Variants in ATP2B2 observed in about 807,000 individuals in gnomAD.
ATP2B2 encodes the protein ATPase plasma membrane Ca2+ transporting 2, also known as plasma membrane calcium-transporting ATPase 2.
Under a neutral mutation model 120.0 loss-of-function variants are expected in ATP2B2, and 15 were observed. That is an observed-to-expected ratio of 0.12 (90% CI 0.08 to 0.19). The LOEUF (loss-of-function observed/expected upper bound fraction) is 0.19. Ranked by LOEUF, ATP2B2 falls within the 10% of genes least tolerant of loss-of-function variation. ATP2B2 has a pLI of 1.00. For missense variants in ATP2B2, 1,045 were observed against 1,719.8 expected (o/e 0.61, Z 6.94); for synonymous variants, 694 against 700.3 (o/e 0.99, Z 0.14).
At chr3:10,367,125 G>A (rs540615784) in intron 12 of ATP2B2, among the ~76,000 whole-genome samples, 1 of 152,188 alleles carries the variant, frequency 6.6e-6, no homozygotes, top group Admixed American at 6.5e-5. Flanking sequence ...GCTACCACTG[G>A]CTCCCCCCAT....
chr3:10,665,092 T>C (rs78797214), intron 1 of ATP2B2, among the ~76,000 whole-genome samples: 3,507 of 152,248 alleles, frequency 0.023, 66 homozygotes, highest in South Asian at 0.086. Flanking sequence ...TACCATCTGA[T>C]CTTTGAGGAA....
chr3:10,427,248 A>C (rs1407396881), intron 2 of ATP2B2, among the ~76,000 whole-genome samples: 1 of 152,244 alleles, frequency 6.6e-6, no homozygotes, highest in Non-Finnish European at 1.5e-5. Flanking sequence ...AGCAAGTCTA[A>C]GACCAAACTA....
exon 1 of ATP2B2, chr3:10,707,944 C>T (rs1220951771): frequency 6.6e-6 from 1 of 150,732 alleles, no homozygotes; most frequent in African/African-American, 2.4e-5. Context: ...GAGATGCTGC[C>T]GCCGCCGCTG....
At chr3:10,527,644 C>T (rs1470187165) in intron 3 of ATP2B2, among the ~76,000 whole-genome samples, 2 of 152,220 alleles carry the variant, frequency 1.3e-5, no homozygotes, top group South Asian at 2.1e-4. Context: ...GAACCCCCTA[C>T]CTCCCCACCA....
chr3:10,591,222 C>T (rs1232928934), intron 2 of ATP2B2, among the ~76,000 whole-genome samples: 1 of 152,146 alleles, frequency 6.6e-6, no homozygotes, highest in Non-Finnish European at 1.5e-5. Flanking sequence ...TTAGTCCATG[C>T]AGGCACTGGG....
chr3:10,430,448 C>T (rs530251227), intron 2 of ATP2B2, among the ~76,000 whole-genome samples: 14 of 152,220 alleles, frequency 9.2e-5, no homozygotes, highest in African/African-American at 3.1e-4. Flanking sequence ...TCATGGATAA[C>T]TTTGAGGGGT....
At chr3:10,493,669 G>A (rs1326689708) in intron 1 of ATP2B2, among the ~76,000 whole-genome samples, 1 of 152,182 alleles carries the variant, frequency 6.6e-6, no homozygotes, top group Non-Finnish European at 1.5e-5. Context: ...AGTAGGGAAG[G>A]CCCCTCCCTT....
intron 1 of ATP2B2, among the ~76,000 whole-genome samples, chr3:10,459,164 C>A (rs1047235481): frequency 6.6e-6 from 1 of 152,278 alleles, no homozygotes; most frequent in African/African-American, 2.4e-5. Flanking sequence ...AATTCACCTT[C>A]TATCTGTGAC....
chr3:10,337,697 CT>C lies in ATP2B2; in HGVS notation c.3420+478del, dbSNP rs150154810. Among the ~76,000 whole-genome samples the C allele has an allele frequency of 2.0e-3, 311 of 152,112 alleles. 4 individuals carry two copies. In the East Asian group the frequency reaches 0.034, roughly 17 times the overall value. On this transcript the variant is annotated intron_variant, in intron 22 of 22. Coordinates refer to ENST00000360273, the MANE Select transcript of ATP2B2 (RefSeq NM_001001331.4). ...TTGCTCCCCAGAGCCTCTCCACCCC[CT>C]AGGGGAAGCTGGGGAGAGCAACTGA...
chr3:10,348,144 C>T (rs1428937729), intron 16 of ATP2B2, among the ~76,000 whole-genome samples: 2 of 152,116 alleles, frequency 1.3e-5, no homozygotes, highest in Non-Finnish European at 2.9e-5. Flanking sequence ...CCTCCTCGCT[C>T]GATGTCCAAT....
At chr3:10,515,642 C>T (rs1465075018) in intron 3 of ATP2B2, among the ~76,000 whole-genome samples, 1 of 152,160 alleles carries the variant, frequency 6.6e-6, no homozygotes, top group Non-Finnish European at 1.5e-5. Context: ...TGGTATATGT[C>T]TGGGGCACAG....
chr3:10,588,193 T>C (rs2068558555), intron 2 of ATP2B2, among the ~76,000 whole-genome samples: 1 of 152,234 alleles, frequency 6.6e-6, no homozygotes, highest in South Asian at 2.1e-4. Context: ...ATTCTTGATA[T>C]GGGGCTGCCC....
intron 1 of ATP2B2, among the ~76,000 whole-genome samples, chr3:10,625,370 AG>A (rs2069668236): frequency 6.6e-6 from 1 of 152,122 alleles, no homozygotes; most frequent in Non-Finnish European, 1.5e-5. Context: ...TGGTGGAGCC[AG>A]GGGGAGGAGT....
intron 3 of ATP2B2, among the ~76,000 whole-genome samples, chr3:10,532,413 T>C (rs1436316802): frequency 6.6e-6 from 1 of 152,204 alleles, no homozygotes; most frequent in East Asian, 1.9e-4. Flanking sequence ...CAGGTTGAAT[T>C]CCATGGTGAA....
At chr3:10,628,277 G>C (rs2069763215) in intron 1 of ATP2B2, among the ~76,000 whole-genome samples, 1 of 152,252 alleles carries the variant, frequency 6.6e-6, no homozygotes, top group East Asian at 1.9e-4. Context: ...TGTGGGTAGA[G>C]AGTGGATGCA....
Position 10,531,556 on chromosome 3 carries a change from C to T in ATP2B2, c.-320+2483G>A, listed in dbSNP as rs76548978. ...TTAAAGCATTTAGAACAGGCCCTGGCACAAGGCGAGCCCTGCATTAAGTGA... is the reference window on the plus strand; with the variant it reads ...TTAAAGCATTTAGAACAGGCCCTGGTACAAGGCGAGCCCTGCATTAAGTGA... On this transcript the variant is annotated intron_variant, in intron 3 of 21. Transcript: ENST00000646379. Among the ~76,000 whole-genome samples, 740 of 152,312 alleles carry T rather than the reference C, an allele frequency of 4.9e-3. 5 individuals carry two copies. The highest frequency in any genetic ancestry group is 0.017 in the African/African-American group (704 of 41,560).
intron 6 of ATP2B2, among the ~76,000 whole-genome samples, chr3:10,387,170 G>A (rs891557299): frequency 5.9e-5 from 9 of 152,296 alleles, no homozygotes; most frequent in Admixed American, 2.0e-4. Context: ...TCTTAGTCAC[G>A]ACTCTTTCCT....
intron 12 of ATP2B2, among the ~76,000 whole-genome samples, chr3:10,367,226 G>C (rs2061088576): frequency 6.6e-6 from 1 of 152,106 alleles, no homozygotes; most frequent in South Asian, 2.1e-4. Context: ...CACATCTTAA[G>C]ATCTCTGGGC....
At chr3:10,530,205 G>A (rs910772632) in intron 3 of ATP2B2, among the ~76,000 whole-genome samples, 1 of 152,182 alleles carries the variant, frequency 6.6e-6, no homozygotes, top group Non-Finnish European at 1.5e-5. Context: ...GTTCCCACCG[G>A]GGACCACCAA....
Sources: gnomAD v4.1 joint callset for allele counts (sites outside exome capture counted in the v4.1 genomes callset) on GRCh38, gnomAD v4.1.1 for gene constraint, MANE v1.5 for transcripts, NCBI Gene and HGNC (gene_info 2026-07-23, HGNC 2026-07-21) for gene names.